The following SLC4A4 variants were observed in gnomAD, a reference collection of about 807,000 sequenced individuals.
SLC4A4 encodes solute carrier family 4 member 4.
A neutral mutation model predicts 111.5 loss-of-function variants in SLC4A4; 27 were observed. The observed-to-expected ratio is 0.24, with a 90% CI of 0.18 to 0.33. SLC4A4 has a LOEUF of 0.33. Among genes scored for constraint, SLC4A4 ranks in the 10% least tolerant of loss-of-function variants. SLC4A4 has a pLI of 1.00. For synonymous variants in SLC4A4, 443 were observed against 463.4 expected (o/e 0.96, Z 0.57); for missense variants, 909 against 1,315.5 (o/e 0.69, Z 4.78).
intron 3 of SLC4A4, chr4:71,300,531 A>C (rs986117680): frequency 1.2e-5 from 3 of 247,800 alleles, no homozygotes; most frequent in African/African-American, 6.9e-5. Flanking sequence ...CACTAGCGGC[A>C]TGCAGATCTA....
chr4:71,221,708 G>C (rs1718757569), intron 1 of SLC4A4, among the ~76,000 whole-genome samples: 1 of 152,174 alleles, frequency 6.6e-6, no homozygotes, highest in Non-Finnish European at 1.5e-5. Flanking sequence ...ATGAACTTTG[G>C]AGCTAGTTTG....
chr4:71,298,197 A>T (rs560830841), intron 3 of SLC4A4, among the ~76,000 whole-genome samples: 1 of 152,332 alleles, frequency 6.6e-6, no homozygotes, highest in East Asian at 1.9e-4. Context: ...TTAGTAATAA[A>T]TGCCCCATGA....
chr4:71,469,363 C>A (rs570644780), intron 13 of SLC4A4, among the ~76,000 whole-genome samples: 1 of 151,776 alleles, frequency 6.6e-6, no homozygotes, highest in South Asian at 2.1e-4. Flanking sequence ...ATGATATTAC[C>A]GGATGTATTT....
chr4:71,432,236 G>T (rs550240776), intron 7 of SLC4A4, among the ~76,000 whole-genome samples: 2 of 152,264 alleles, frequency 1.3e-5, no homozygotes, highest in Middle Eastern at 6.8e-3. Flanking sequence ...CCTAACTCGA[G>T]CAAGGAGTCT....
At chr4:71,332,468 G>A (rs1476925633) in intron 3 of SLC4A4, among the ~76,000 whole-genome samples, 1 of 141,994 alleles carries the variant, frequency 7.0e-6, no homozygotes, top group Non-Finnish European at 1.5e-5. Context: ...TTTTTGAGAC[G>A]GAGTCTCGTT....
chr4:71,236,338 A>C, intron 1 of SLC4A4: 1 of 962,284 alleles, frequency 1.0e-6, no homozygotes, highest in South Asian at 2.0e-5. Flanking sequence ...ATTTTCTCTT[A>C]CCTGTCTATG....
At chr4:71,248,146 T>A (rs1720810857) in intron 2 of SLC4A4, among the ~76,000 whole-genome samples, 1 of 152,152 alleles carries the variant, frequency 6.6e-6, no homozygotes, top group African/African-American at 2.4e-5. Context: ...TTGACTCTTT[T>A]GCCCTCCTCT....
chr4:71,090,836 C>G (rs1742366813), intron 1 of SLC4A4, among the ~76,000 whole-genome samples: 3 of 152,202 alleles, frequency 2.0e-5, no homozygotes, highest in Admixed American at 6.5e-5. Flanking sequence ...AAAACAGTAA[C>G]TGTGATGATT....
chr4:71,388,858 C>T (rs1034105406), intron 6 of SLC4A4, among the ~76,000 whole-genome samples: 1 of 152,080 alleles, frequency 6.6e-6, no homozygotes, highest in Non-Finnish European at 1.5e-5. Context: ...GCCTAACCTA[C>T]CTATTTTAGA....
At chr4:71,255,455 A>C in intron 3 of SLC4A4, 56 bp downstream of exon 3, 2 of 1,558,430 alleles carry the variant, frequency 1.3e-6, no homozygotes, top group Middle Eastern at 1.8e-4. Flanking sequence ...CATCTTTGAG[A>C]AGGACACCTT....
chr4:71,169,175 A>AT lies in SLC4A4; in HGVS notation c.-1-67386dup, dbSNP rs113560452. 4.2e-3 allele frequency among the ~76,000 whole-genome samples: 576 copies of AT among 135,804 alleles called. 1 individual carries two copies. The highest frequency in any genetic ancestry group is 0.021 in the East Asian group (97 of 4,670). The allele number at this position is 135,804 out of a possible 152,430, so 89.1% of individuals were successfully genotyped here. The stretch of plus-strand genomic sequence containing the variant: ...CAGGCATGTGCCACCATACCTGGCT[A>AT]TTTTTTTTTTTTTTTAATTTAGTAG... On this transcript the variant is annotated intron_variant, in intron 2 of 26. Coordinates refer to the SLC4A4 transcript ENST00000649996.
chr4:71,223,335 C>G (rs1718861931), intron 1 of SLC4A4, among the ~76,000 whole-genome samples: 1 of 152,028 alleles, frequency 6.6e-6, no homozygotes. Context: ...ACCCCCGCGC[C>G]TGTCTAATTT....
rs933152597 is a variant in SLC4A4, at chr4:71,501,766, A to T, written c.2166+4074A>T. On this transcript the variant is annotated intron_variant, in intron 16 of 25. Coordinates refer to ENST00000264485, the MANE Select transcript of SLC4A4 (RefSeq NM_001098484.3). ...AACCTCTGCCTCCCTGGTTCAAGCG[A>T]TTCTCCTGCCTCAGCCTCCCAGGTA... 2.0e-5 allele frequency among the ~76,000 whole-genome samples: 3 copies of T among 151,640 alleles called. No individual in the cohort carries two copies. The East Asian group carries it at 5.8e-4, about 29-fold the overall frequency.
At chr4:71,303,218 G>A (rs1466717137) in intron 3 of SLC4A4, among the ~76,000 whole-genome samples, 1 of 152,204 alleles carries the variant, frequency 6.6e-6, no homozygotes, top group Non-Finnish European at 1.5e-5. Context: ...GAGAGAAATG[G>A]TAAGAAGGGA....
chr4:71,236,619 A>G lies in SLC4A4; in HGVS notation c.43A>G (p.Lys15Glu). 1 of 1,613,906 alleles carries G rather than the reference A, an allele frequency of 6.2e-7. No individual in the cohort carries two copies. Among genetic ancestry groups the G allele is most frequent in the Non-Finnish European group, 8.5e-7 (1 of 1,179,824 alleles). Residue 15 changes from lysine (K) to glutamate (E), a missense_variant, in exon 2 of 26, where the codon AAG becomes GAG. Around this residue, in one of 7 missense-constraint regions of SLC4A4, gnomAD observed 117 missense variants for 154.2 expected, o/e 0.76. Transcript: ENST00000264485. Reference sequence around the variant, plus strand: ...CCTGGACAGAGGGGCTTCCTTCCTCAAGCATGTGTGTGATGAAGAAGAAGT... The same window carrying G: ...CCTGGACAGAGGGGCTTCCTTCCTCGAGCATGTGTGTGATGAAGAAGAAGT... Reference protein sequence around the residue: ...AVLDRGASFLKHVCDEEEVEG... With the variant: ...AVLDRGASFLEHVCDEEEVEG...
chr4:71,481,928 G>A (rs1023293814), intron 14 of SLC4A4, among the ~76,000 whole-genome samples: 1 of 151,614 alleles, frequency 6.6e-6, no homozygotes, highest in Non-Finnish European at 1.5e-5. Context: ...GATTCCTAGG[G>A]CAAAGGGTTT....
chr4:71,473,292 A>T (rs1474725866), intron 14 of SLC4A4: 3 of 593,956 alleles, frequency 5.1e-6, no homozygotes, highest in Non-Finnish European at 9.0e-6. Context: ...GGATACATGT[A>T]TTAACAGATA....
intron 14 of SLC4A4, among the ~76,000 whole-genome samples, chr4:71,486,254 T>A (rs1213215054): frequency 2.0e-5 from 3 of 151,522 alleles, no homozygotes; most frequent in Non-Finnish European, 4.4e-5. Flanking sequence ...GAATACTTTT[T>A]AAATACTGTT....
At chr4:71,190,952 G>A (rs1336800688) in intron 1 of SLC4A4, among the ~76,000 whole-genome samples, 2 of 152,162 alleles carry the variant, frequency 1.3e-5, no homozygotes, top group Non-Finnish European at 2.9e-5. Flanking sequence ...TGGTGTGAAA[G>A]CATTCACATT....
Sources: allele counts gnomAD v4.1 joint callset (sites outside exome capture counted in the v4.1 genomes callset), GRCh38; gene constraint gnomAD v4.1.1; regional missense constraint gnomAD v4.1.1; transcripts MANE v1.5; gene names NCBI Gene and HGNC (gene_info 2026-07-23, HGNC 2026-07-21).